Variants in GET4 observed in about 807,000 individuals in gnomAD.
GET4 encodes the protein Golgi to ER traffic protein 4 homolog.
GET4 carries 20 observed loss-of-function variants against 40.0 expected under a neutral mutation model. The observed-to-expected ratio is 0.50, with a 90% CI of 0.35 to 0.73. GET4 has a LOEUF of 0.73. Ranked by LOEUF, GET4 falls within the 30% of genes least tolerant of loss-of-function variation. The pLI is 0.01. For missense variants in GET4, 557 were observed against 454.0 expected, an observed-to-expected ratio of 1.23 and a Z score of -2.06; for synonymous variants, 280 against 194.6, an observed-to-expected ratio of 1.44 and a Z score of -3.65.
At chr7:883,835 G>A (rs965765954) in intron 1 of GET4, 87 of 1,016,034 alleles carry the variant, frequency 8.6e-5, no homozygotes, top group East Asian at 2.0e-4. Context: ...GTTCAGAGCC[G>A]CCTTAGACGG....
chr7:895,126 C>G (rs191636356), intron 8 of GET4, among the ~76,000 whole-genome samples: 7 of 151,948 alleles, frequency 4.6e-5, no homozygotes, highest in Admixed American at 4.6e-4. Context: ...CGTGGCTGCT[C>G]CATGTTTGAG....
chr7:886,211 C>A, intron 2 of GET4, 77 bp downstream of exon 2: 2 of 923,848 alleles, frequency 2.2e-6, no homozygotes, highest in Non-Finnish European at 3.6e-6. Context: ...CTCCCACCTC[C>A]ACTGATGGGC....
chr7:884,181 T>C (rs755801194), intron 1 of GET4: 4 of 1,297,686 alleles, frequency 3.1e-6, no homozygotes, highest in Non-Finnish European at 2.0e-6. Context: ...GAAGCTGGTG[T>C]GGTGCTTGCT....
At chr7:885,436 C>G (rs1244810804) in intron 1 of GET4, 1 of 153,102 alleles carries the variant, frequency 6.5e-6, no homozygotes, top group Non-Finnish European at 1.5e-5. Context: ...GTGCCTCTGT[C>G]CCCGTGCGGC....
At chr7:893,858 C>G (rs1245456478) in intron 7 of GET4, 41 bp from the exon 8 acceptor site, 4 of 1,605,526 alleles carry the variant, frequency 2.5e-6, no homozygotes, top group Middle Eastern at 1.7e-4. Flanking sequence ...ACCCCACGGT[C>G]TGGGTCCACC....
chr7:886,812 C>G (rs1008905570), intron 3 of GET4, among the ~76,000 whole-genome samples, 162 bp downstream of exon 3: 2 of 152,240 alleles, frequency 1.3e-5, no homozygotes, highest in African/African-American at 4.8e-5. Context: ...GTGAGCCAGG[C>G]CCCCTGGCTG....
intron 1 of GET4, chr7:883,075 T>C (rs1312853196): frequency 6.6e-6 from 1 of 152,262 alleles, no homozygotes; most frequent in Admixed American, 6.5e-5. Flanking sequence ...GGTGCACCCC[T>C]AGCCCAGGGC....
intron 1 of GET4, chr7:878,189 T>C: frequency 2.2e-6 from 1 of 460,092 alleles, no homozygotes. Context: ...CTGGCTATGC[T>C]GGGTTAACTG....
At position 878,885 on chromosome 7, in the gene GET4, C is replaced by G. The variant is rs780338706; in HGVS notation, c.155+2085C>G. On this transcript the variant is annotated intron_variant, in intron 1 of 8. Coordinates refer to ENST00000265857, the MANE Select transcript of GET4 (RefSeq NM_015949.3). ...TGAGCCACGGCGCCCGGCCAGTAGA[C>G]TTTACTTTTTAGAGCAGTTTTTGGT... Among the ~76,000 whole-genome samples the G allele has an allele frequency of 1.1e-4, 16 of 152,208 alleles. No homozygotes were observed. The South Asian group carries it at 1.9e-3, about 18-fold the overall frequency.
intron 6 of GET4, 196 bp downstream of exon 6, chr7:892,614 G>A: frequency 2.0e-6 from 1 of 509,712 alleles, no homozygotes; most frequent in Non-Finnish European, 3.5e-6. Flanking sequence ...TGTAGACATG[G>A]TAGTGCGGGT....
chr7:883,925 C>G (rs762033706), intron 1 of GET4: 203 of 1,066,068 alleles, frequency 1.9e-4, no homozygotes, highest in Non-Finnish European at 2.3e-4. Flanking sequence ...CCAGAATTCT[C>G]CTCCCGTCCT....
At chr7:878,902 GT>G (rs911425146) in intron 1 of GET4, among the ~76,000 whole-genome samples, 3 of 152,114 alleles carry the variant, frequency 2.0e-5, no homozygotes, top group Non-Finnish European at 4.4e-5. Context: ...TTTTAGAGCA[GT>G]TTTTGGTTTA....
intron 6 of GET4, among the ~76,000 whole-genome samples, 168 bp from the exon 7 acceptor site, chr7:893,569 CGTG>C (rs550358501): frequency 2.1e-4 from 23 of 108,258 alleles, no homozygotes; most frequent in African/African-American, 5.3e-4. Flanking sequence ...TGGGCGTAGG[CGTG>C]GTGGTTGCAG....
intron 1 of GET4, chr7:884,002 C>G (rs1239473093): frequency 2.0e-5 from 23 of 1,128,998 alleles, no homozygotes; most frequent in Non-Finnish European, 2.5e-5. Context: ...GCAGTCCAAA[C>G]CAGGCCGGGG....
chr7:881,243 T>G (rs1844079596), intron 1 of GET4: 1 of 152,208 alleles, frequency 6.6e-6, no homozygotes, highest in Non-Finnish European at 1.5e-5. Context: ...AATGTATAAT[T>G]TGGTGAGGTC....
intron 1 of GET4, chr7:884,270 C>T (rs1473187982): frequency 1.5e-6 from 2 of 1,304,012 alleles, no homozygotes. Context: ...GCTTGTTTTT[C>T]CAGAGTGCCC....
At chr7:891,686 G>A (rs1050474327) in intron 5 of GET4, among the ~76,000 whole-genome samples, 96 of 152,378 alleles carry the variant, frequency 6.3e-4, no homozygotes, top group African/African-American at 2.2e-3. Context: ...GGGCGTTGGG[G>A]ATTTGATGTA....
At chr7:891,234 GT>G (rs1562897048) in intron 5 of GET4, among the ~76,000 whole-genome samples, 168 bp downstream of exon 5, 1 of 152,230 alleles carries the variant, frequency 6.6e-6, no homozygotes. Flanking sequence ...TTTTTCATAA[GT>G]TTAACCAATG....
intron 1 of GET4, chr7:885,783 T>G: frequency 2.3e-6 from 1 of 443,866 alleles, no homozygotes; most frequent in Non-Finnish European, 4.1e-6. Flanking sequence ...CTGAAACCGG[T>G]GAGCTGCTCC....
Sources: allele counts gnomAD v4.1 joint callset (sites outside exome capture counted in the v4.1 genomes callset), GRCh38; gene constraint gnomAD v4.1.1; transcripts MANE v1.5; gene names NCBI Gene and HGNC (gene_info 2026-07-23, HGNC 2026-07-21).